The following CHD6 variants were observed in gnomAD, a reference collection of about 807,000 sequenced individuals.
CHD6 encodes the protein ATP-dependent chromatin remodeler CHD6.
CHD6 carries 50 observed loss-of-function variants against 276.9 expected under a neutral mutation model. The ratio of observed to expected loss-of-function variants is 0.18; its 90% CI spans 0.14 to 0.23. CHD6 has a LOEUF of 0.23. CHD6 is among the 10% of genes least tolerant of loss of function. CHD6 has a pLI of 1.00. For missense variants in CHD6, 2,564 were observed against 3,365.8 expected (o/e 0.76, Z 5.89); for synonymous variants, 1,173 against 1,229.3 (o/e 0.95, Z 0.96).
At chr20:41,485,360 T>C (rs1283341588) in intron 14 of CHD6, among the ~76,000 whole-genome samples, 2 of 152,160 alleles carry the variant, frequency 1.3e-5, no homozygotes, top group Non-Finnish European at 2.9e-5. Flanking sequence ...TAAAACATGA[T>C]ACCGGTAAGA....
rs369618600 is a variant in CHD6, at chr20:41,416,830, C to T, written c.6280-36G>A. On this transcript the variant is annotated intron_variant, in intron 32 of 36. Coordinates refer to ENST00000373233, the MANE Select transcript of CHD6 (RefSeq NM_032221.5). ...GGATAAAGCTCTGATGAATAAGGAT[C>T]GAGTTACCTAAATTCACAAAATCCT... The T allele has an allele frequency of 2.8e-3, 4,004 of 1,448,554 alleles. 139 individuals are homozygous for T. In the South Asian group the frequency reaches 0.053, roughly 19 times the overall value. The allele number at this position is 1,448,554 out of a possible 1,614,324, so 89.7% of individuals were successfully genotyped here.
At chr20:41,497,115 A>C in intron 8 of CHD6, 1 of 372,894 alleles carries the variant, frequency 2.7e-6, no homozygotes. Flanking sequence ...TTGTGTGCGT[A>C]TTCCTCTCAC....
intron 1 of CHD6, among the ~76,000 whole-genome samples, chr20:41,604,135 T>A (rs906526015): frequency 3.3e-5 from 5 of 152,070 alleles, no homozygotes; most frequent in Admixed American, 6.6e-5. Context: ...TGCTTAACAA[T>A]CCAACGAGTG....
At chr20:41,464,731 A>C (rs1471173490) in intron 17 of CHD6, among the ~76,000 whole-genome samples, 2 of 152,224 alleles carry the variant, frequency 1.3e-5, no homozygotes, top group African/African-American at 4.8e-5. Context: ...AGCAGTGGGC[A>C]TACCTAGTAG....
chr20:41,426,412 A>T (rs1009533480), intron 27 of CHD6, among the ~76,000 whole-genome samples: 2 of 152,162 alleles, frequency 1.3e-5, no homozygotes, highest in East Asian at 3.8e-4. Flanking sequence ...AATCGGCTTG[A>T]GCAATGATGA....
chr20:41,494,361 A>G (rs2043625826), intron 8 of CHD6, among the ~76,000 whole-genome samples: 1 of 152,176 alleles, frequency 6.6e-6, no homozygotes, highest in South Asian at 2.1e-4. Context: ...ACAATGTTCT[A>G]TTTGCTGATC....
Position 41,404,630 on chromosome 20 carries a change from T to G in CHD6, c.8111A>C (p.Glu2704Ala). 6.6e-7 allele frequency: 1 copy of G among 1,509,266 alleles called. No homozygotes were observed. Among genetic ancestry groups the G allele is most frequent in the Non-Finnish European group, 8.9e-7 (1 of 1,128,928 alleles). 93.5% of individuals were successfully genotyped at this position (1,509,266 alleles called of 1,614,324 possible). A position where few individuals can be genotyped will look rare whatever the true frequency, so the allele number is the denominator to read the frequency against. Residue 2704 changes from glutamate to alanine, a missense_variant, in exon 37 of 37, where the codon GAG becomes GCG. Coordinates refer to ENST00000373233, the MANE Select transcript of CHD6 (RefSeq NM_032221.5). Reference protein sequence around the residue: ...AEREHGAQAGEGALKDSNNDT... With the variant: ...AEREHGAQAGAGALKDSNNDT... ...GTTGTTGGAGTCTTTGAGTGCCCCC[T>G]CCCCAGCCTGTGCCCCATGTTCTCT...
intron 24 of CHD6, among the ~76,000 whole-genome samples, chr20:41,446,846 C>A (rs1404274182): frequency 6.6e-6 from 1 of 152,216 alleles, no homozygotes; most frequent in African/African-American, 2.4e-5. Flanking sequence ...GGGTGGGCAG[C>A]AGACTTACTC....
At chr20:41,516,624 G>T (rs2044259566) in intron 3 of CHD6, among the ~76,000 whole-genome samples, 1 of 152,138 alleles carries the variant, frequency 6.6e-6, no homozygotes, top group Non-Finnish European at 1.5e-5. Flanking sequence ...CATTCTTGGG[G>T]AATAGAACAG....
At chr20:41,414,903 C>G (rs2046947421) in intron 34 of CHD6, 1 of 1,291,276 alleles carries the variant, frequency 7.7e-7, no homozygotes. Context: ...GTGCCGTCAA[C>G]AGTGGCTCTT....
At chr20:41,520,236 G>C (rs1174663748) in intron 3 of CHD6, among the ~76,000 whole-genome samples, 1 of 152,196 alleles carries the variant, frequency 6.6e-6, no homozygotes, top group East Asian at 1.9e-4. Context: ...CTGTAAACTA[G>C]TTCAACCATT....
chr20:41,533,294 G>C lies in CHD6; in HGVS notation c.310C>G (p.Gln104Glu). The C allele has an allele frequency of 1.2e-6, 2 of 1,613,852 alleles. No homozygotes were observed. Among genetic ancestry groups the C allele is most frequent in the Middle Eastern group, 1.7e-4 (1 of 6,056 alleles). Reference sequence around the variant, plus strand: ...TTGCTTCCCTTTGCTGCACCCTCTTGGTCTCCTGGCTCCTTTTTCTTCCGT... The same window carrying C: ...TTGCTTCCCTTTGCTGCACCCTCTTCGTCTCCTGGCTCCTTTTTCTTCCGT... ...KKRKKKEPGDQEGAAKGSKDR... is the reference protein window; with the variant it reads ...KKRKKKEPGDEEGAAKGSKDR... Residue 104 changes from glutamine to glutamate, a missense_variant, in exon 3 of 37, where the codon CAA (glutamine) becomes GAA (glutamate). Gln to Glu is a conservative substitution (Grantham distance 29). Around this residue, in one of 7 missense-constraint regions of CHD6, gnomAD observed 286 missense variants for 297.8 expected, o/e 0.96. Transcript: ENST00000373233.
intron 27 of CHD6, among the ~76,000 whole-genome samples, chr20:41,433,287 C>T (rs2047602267): frequency 1.3e-5 from 2 of 152,116 alleles, no homozygotes; most frequent in African/African-American, 4.8e-5. Context: ...ATAGGGTAAA[C>T]TCACAGAAAT....
chr20:41,448,848 T>C (rs1432207761), intron 23 of CHD6, among the ~76,000 whole-genome samples: 1 of 152,046 alleles, frequency 6.6e-6, no homozygotes, highest in Non-Finnish European at 1.5e-5. Flanking sequence ...CCTTATTATC[T>C]CTGGTATAAC....
intron 26 of CHD6, among the ~76,000 whole-genome samples, chr20:41,437,563 T>C (rs1195507929): frequency 6.6e-6 from 1 of 152,238 alleles, no homozygotes; most frequent in Non-Finnish European, 1.5e-5. Flanking sequence ...TTAAACTTTA[T>C]CATAGGTATG....
chr20:41,425,112 G>T, intron 29 of CHD6, 66 bp downstream of exon 29: 1 of 1,299,296 alleles, frequency 7.7e-7, no homozygotes, highest in Non-Finnish European at 1.1e-6. Context: ...CAAGCTACCG[G>T]CTTTACCTTT....
At chr20:41,492,132 T>G (rs2043570686) in intron 10 of CHD6, among the ~76,000 whole-genome samples, 1 of 152,216 alleles carries the variant, frequency 6.6e-6, no homozygotes, top group Non-Finnish European at 1.5e-5. Flanking sequence ...TATTTATCCA[T>G]GCACACACAT....
At chr20:41,596,224 T>C (rs2045716303) in intron 1 of CHD6, among the ~76,000 whole-genome samples, 4 of 152,102 alleles carry the variant, frequency 2.6e-5, no homozygotes, top group Non-Finnish European at 5.9e-5. Flanking sequence ...TTTCCTCTCC[T>C]AAAAGGAGTC....
intron 1 of CHD6, among the ~76,000 whole-genome samples, chr20:41,575,747 T>C (rs1042460982): frequency 6.6e-6 from 1 of 152,256 alleles, no homozygotes; most frequent in Non-Finnish European, 1.5e-5. Flanking sequence ...TTTCATTGTA[T>C]GGTTTGTCCC....
Sources: gnomAD v4.1 joint callset for allele counts (sites outside exome capture counted in the v4.1 genomes callset) on GRCh38, gnomAD v4.1.1 for gene constraint, gnomAD v4.1.1 regional missense constraint, MANE v1.5 for transcripts, NCBI Gene and HGNC (gene_info 2026-07-23, HGNC 2026-07-21) for gene names.